The following PCTP variants were observed in gnomAD, a reference collection of about 807,000 sequenced individuals.
PCTP encodes the protein phosphatidylcholine transfer protein.
Under a neutral mutation model 31.0 loss-of-function variants are expected in PCTP, and 27 were observed. That is an observed-to-expected ratio of 0.87 (90% CI 0.64 to 1.20). PCTP has a LOEUF of 1.20. Ranked by LOEUF, PCTP falls within the 50% of genes most tolerant of loss-of-function variation. The pLI, the probability that PCTP is intolerant of heterozygous loss-of-function variation, is 0.00. For missense variants in PCTP, 287 were observed against 268.2 expected (o/e 1.07, Z -0.49); for synonymous variants, 108 against 101.2 (o/e 1.07, Z -0.40).
chr17:55,751,090 C>A lies in PCTP; in HGVS notation c.-14C>A. The A allele has an allele frequency of 6.6e-7, 1 of 1,526,328 alleles. No homozygotes were observed. The highest frequency in any genetic ancestry group is 1.2e-5 in the South Asian group (1 of 81,640). 94.5% of individuals were successfully genotyped at this position (1,526,328 alleles called of 1,614,324 possible). A position where few individuals can be genotyped will look rare whatever the true frequency, so the allele number is the denominator to read the frequency against. On this transcript the variant is annotated 5_prime_UTR_variant, in exon 1 of 6. Transcript: ENST00000268896. ...GGCCTGCCCTCCAGGCGGAGGAGCC[C>A]GGACTGCGGAAGGATGGAGCTGGCC...
Position 55,776,401 on chromosome 17 carries a change from G to C in PCTP, c.*301G>C, listed in dbSNP as rs2144976052. Reference sequence around the variant, plus strand: ...GGGCAGACTAGGGAAACCTTTGCTTGCTTACTATTAGGAGGGGAAGTCTTC... The same window carrying C: ...GGGCAGACTAGGGAAACCTTTGCTTCCTTACTATTAGGAGGGGAAGTCTTC... On this transcript the variant is annotated 3_prime_UTR_variant, in exon 6 of 6. Coordinates refer to ENST00000268896, the MANE Select transcript of PCTP (RefSeq NM_021213.4). 7 of 1,254,780 alleles carry C rather than the reference G, an allele frequency of 5.6e-6. No individual in the cohort carries two copies. The South Asian group carries it at 2.1e-4, about 38-fold the overall frequency. 77.7% of individuals were successfully genotyped at this position (1,254,780 alleles called of 1,614,324 possible).
intron 3 of PCTP, among the ~76,000 whole-genome samples, chr17:55,796,839 T>G (rs1227186838): frequency 6.6e-6 from 1 of 152,006 alleles, no homozygotes; most frequent in African/African-American, 2.4e-5. Context: ...AAAAAAAGAT[T>G]ATTTCTGTAT....
downstream of PCTP, among the ~76,000 whole-genome samples, chr17:55,823,571 A>G (rs565514808): frequency 6.6e-6 from 1 of 152,320 alleles, no homozygotes; most frequent in South Asian, 2.1e-4. Context: ...TAAATTAGAA[A>G]CTGGCAAGAG....
At chr17:55,852,499 G>A in the PCTP span, among the ~76,000 whole-genome samples, 3 of 152,154 alleles carry the variant, frequency 2.0e-5, no homozygotes, top group Admixed American at 6.5e-5. Context: ...CTGGCTGAAT[G>A]TTTGAACCTC....
In PCTP at chr17:55,751,132, A is replaced by C. The variant is rs12941739; in HGVS notation, c.29A>C (p.Glu10Ala). 161,119 of 1,543,312 alleles carry C rather than the reference A, an allele frequency of 0.1. 8,980 individuals carry two copies. Among genetic ancestry groups the C allele is most frequent in the African/African-American group, 0.17 (12,094 of 72,738 alleles). ...GAGCTGGCCGCCGGAAGCTTCTCGG[A>C]GGAGCAGTTCTGGGAGGCCTGCGCC... MELAAGSFS[E>A]EQFWEACAEL... Residue 10 changes from glutamate to alanine, a missense_variant, in exon 1 of 6, where the codon GAG becomes GCG. Coordinates refer to ENST00000268896, the MANE Select transcript of PCTP (RefSeq NM_021213.4).
chr17:55,787,841 T>A (rs776312716), intron 3 of PCTP, among the ~76,000 whole-genome samples: 8 of 152,198 alleles, frequency 5.3e-5, no homozygotes, highest in Non-Finnish European at 1.0e-4. Flanking sequence ...TTAATGATCA[T>A]AATGTACAAT....
chr17:55,824,928 G>T (rs1905349697), downstream of PCTP, among the ~76,000 whole-genome samples: 1 of 152,136 alleles, frequency 6.6e-6, no homozygotes, highest in Non-Finnish European at 1.5e-5. Context: ...AGAAAAAACA[G>T]CATTGAGTAT....
chr17:55,813,003 G>A (rs1049720259), intron 3 of PCTP, among the ~76,000 whole-genome samples: 4 of 152,160 alleles, frequency 2.6e-5, no homozygotes, highest in Non-Finnish European at 5.9e-5. Context: ...AATGGGAGCT[G>A]CTCCCAGAGT....
At chr17:55,790,375 C>T (rs1248814303) in intron 3 of PCTP, among the ~76,000 whole-genome samples, 1 of 152,098 alleles carries the variant, frequency 6.6e-6, no homozygotes, top group Non-Finnish European at 1.5e-5. Context: ...TCCCTGTTTG[C>T]AAACGACATG....
downstream of PCTP, among the ~76,000 whole-genome samples, chr17:55,826,385 G>A (rs1167060472): frequency 6.6e-6 from 1 of 151,742 alleles, no homozygotes; most frequent in Non-Finnish European, 1.5e-5. Flanking sequence ...TAACTCTAGG[G>A]TGCTAATTTC....
chr17:55,809,901 T>G (rs1051287467), intron 3 of PCTP, among the ~76,000 whole-genome samples: 2 of 152,270 alleles, frequency 1.3e-5, no homozygotes, highest in Non-Finnish European at 1.5e-5. Flanking sequence ...AAGTACAGAG[T>G]TTAGCTCTGT....
intron 3 of PCTP, among the ~76,000 whole-genome samples, chr17:55,805,741 C>T (rs183724575): frequency 6.6e-6 from 1 of 152,228 alleles, no homozygotes; most frequent in African/African-American, 2.4e-5. Flanking sequence ...CCATTTGGCA[C>T]CAGATTTGAC....
chr17:55,832,521 T>C (rs542118027), intron 5 of PCTP, among the ~76,000 whole-genome samples: 25 of 152,204 alleles, frequency 1.6e-4, no homozygotes, highest in Admixed American at 6.5e-4. Flanking sequence ...GTGGTGTTCT[T>C]TCTTTGCTTG....
intron 3 of PCTP, among the ~76,000 whole-genome samples, chr17:55,813,659 A>G (rs548432914): frequency 6.6e-6 from 1 of 152,326 alleles, no homozygotes; most frequent in Admixed American, 6.5e-5. Flanking sequence ...TGTAGAATAC[A>G]GCATAGTCTT....
At chr17:55,780,782 T>C (rs1311979983), downstream of PCTP, among the ~76,000 whole-genome samples, 1 of 152,158 alleles carries the variant, frequency 6.6e-6, no homozygotes, top group East Asian at 1.9e-4. Flanking sequence ...GCCAATATCA[T>C]ATGAGCATAA....
At chr17:55,775,565 T>G in intron 5 of PCTP, 1 of 1,159,490 alleles carries the variant, frequency 8.6e-7, no homozygotes, top group Non-Finnish European at 1.1e-6. Flanking sequence ...TGTCTTCTAC[T>G]GCATAGAGGG....
chr17:55,845,887 G>GGTGTGTGTGTGTGTGTGTGTGTGTGTGT (rs34179575), downstream of PCTP, among the ~76,000 whole-genome samples: 28 of 143,062 alleles, frequency 2.0e-4, no homozygotes, highest in African/African-American at 6.3e-4. Context: ...AGAGGGTTGG[G>GGTGTGTGTGTGTGTGTGTGTGTGTGTGT]GTGTGTGTGT....
At chr17:55,809,770 C>T (rs955979782) in intron 3 of PCTP, among the ~76,000 whole-genome samples, 2 of 152,128 alleles carry the variant, frequency 1.3e-5, no homozygotes, top group African/African-American at 4.8e-5. Flanking sequence ...ACTCGCCCGC[C>T]TCGGCGTCCC....
chr17:55,775,403 A>G (rs1911274086), intron 5 of PCTP: 4 of 1,232,152 alleles, frequency 3.2e-6, no homozygotes, highest in Middle Eastern at 3.1e-4. Flanking sequence ...AAGATCTACT[A>G]CTAGAGAGCT....
Sources: allele counts gnomAD v4.1 joint callset (sites outside exome capture counted in the v4.1 genomes callset), GRCh38; gene constraint gnomAD v4.1.1; transcripts MANE v1.5; gene names NCBI Gene and HGNC (gene_info 2026-07-23, HGNC 2026-07-21).